The following ST18 variants were observed in gnomAD, a reference collection of about 807,000 sequenced individuals.
The protein encoded by ST18 is suppression of tumorigenicity 18 protein.
In ST18, 50 loss-of-function variants were observed where a neutral mutation model predicts 110.0. The observed-to-expected ratio is 0.45, with a 90% CI of 0.36 to 0.58. The LOEUF (loss-of-function observed/expected upper bound fraction) is 0.58, where lower values mean the gene tolerates loss of function less well. Among genes scored for constraint, ST18 ranks in the 20% least tolerant of loss-of-function variants. The pLI is 0.00. For missense variants in ST18, 1,306 were observed against 1,280.1 expected (o/e 1.02, Z -0.31); for synonymous variants, 461 against 452.4 (o/e 1.02, Z -0.24).
intron 2 of ST18, among the ~76,000 whole-genome samples, chr8:52,272,683 A>G (rs2138935533): frequency 6.6e-6 from 1 of 152,336 alleles, no homozygotes; most frequent in Admixed American, 6.5e-5. Flanking sequence ...GAAAATTAAG[A>G]ATAGAACTAC....
rs546753918 is a variant in ST18 at position 52,189,929 on chromosome 8, C to A, written c.87-9617G>T. Among the ~76,000 whole-genome samples the A allele has an allele frequency of 6.6e-5, 10 of 152,272 alleles. No individual in the cohort carries two copies. In the East Asian group the frequency reaches 1.9e-3, roughly 29 times the overall value. On this transcript the variant is annotated intron_variant, in intron 8 of 25. Transcript: ENST00000689386. ...CGGTAGGAGCTAATAAAGTGAGACC[C>A]ACAAATGAAATCCTCTAAAACTTCT...
chr8:52,138,124 A>T (rs2053262945), intron 17 of ST18, among the ~76,000 whole-genome samples: 1 of 151,642 alleles, frequency 6.6e-6, no homozygotes, highest in Admixed American at 6.6e-5. Flanking sequence ...AAAGAAAAAG[A>T]AAAATACATA....
At position 52,224,657 on chromosome 8, in the gene ST18, C is replaced by T. The variant is rs115174599; in HGVS notation, c.-418-2864G>A. On this transcript the variant is annotated intron_variant, in intron 3 of 25. Transcript: ENST00000689386. ...ATGGCAAAGTGGGTCAATGGTATCT[C>T]GCTTACTTTTAGGGAAGATGTTTCA... 4.9e-3 allele frequency among the ~76,000 whole-genome samples: 747 copies of T among 152,298 alleles called. 9 individuals are homozygous for T. Among genetic ancestry groups the T allele is most frequent in the African/African-American group, 0.015 (637 of 41,576 alleles).
At chr8:52,197,155 G>T (rs987272058) in intron 8 of ST18, among the ~76,000 whole-genome samples, 1 of 152,204 alleles carries the variant, frequency 6.6e-6, no homozygotes, top group African/African-American at 2.4e-5. Context: ...AAGTGACAGT[G>T]ATTGTAAAAT....
intron 8 of ST18, among the ~76,000 whole-genome samples, chr8:52,184,159 G>A (rs912207853): frequency 6.6e-6 from 1 of 152,138 alleles, no homozygotes; most frequent in Non-Finnish European, 1.5e-5. Context: ...TTTCCACTGG[G>A]TTGTGTTTTC....
At chr8:52,212,179 T>C (rs1447586855) in intron 7 of ST18, 70 bp from the exon 8 acceptor site, 1 of 1,477,092 alleles carries the variant, frequency 6.8e-7, no homozygotes, top group East Asian at 2.3e-5. Flanking sequence ...TAATGGAAAC[T>C]TTTCCCCCAC....
rs180756584 is a variant in ST18 at position 52,160,784 on chromosome 8, A to G, written c.1594+591T>C. Among the ~76,000 whole-genome samples the G allele has an allele frequency of 1.1e-3, 163 of 152,372 alleles. 1 individual carries two copies. The highest frequency in any genetic ancestry group is 3.8e-3 in the African/African-American group (160 of 41,596). ...TTCTATATGGATGTGTTAGCATTAAAGAATATTAATGTATTTTAAGTGTTT... is the reference window on the plus strand; with the variant it reads ...TTCTATATGGATGTGTTAGCATTAAGGAATATTAATGTATTTTAAGTGTTT... On this transcript the variant is annotated intron_variant, in intron 14 of 25. Transcript: ENST00000689386.
At chr8:52,310,948 C>A (rs977432091) in intron 2 of ST18, among the ~76,000 whole-genome samples, 1 of 152,204 alleles carries the variant, frequency 6.6e-6, no homozygotes, top group South Asian at 2.1e-4. Context: ...ATGCCACAGA[C>A]TGAGGTAGTG....
intron 2 of ST18, among the ~76,000 whole-genome samples, chr8:52,273,992 TCTC>T (rs1341118976): frequency 6.6e-6 from 1 of 152,224 alleles, no homozygotes; most frequent in Non-Finnish European, 1.5e-5. Flanking sequence ...TTGACACTAC[TCTC>T]TTAAGTGAAT....
intron 7 of ST18, among the ~76,000 whole-genome samples, chr8:52,212,910 A>G (rs981994740): frequency 6.6e-6 from 1 of 152,230 alleles, no homozygotes; most frequent in Non-Finnish European, 1.5e-5. Flanking sequence ...TGCTTTTAGA[A>G]GTCAAAATAA....
At chr8:52,126,570 A>G (rs1282885479) in intron 22 of ST18, among the ~76,000 whole-genome samples, 1 of 152,252 alleles carries the variant, frequency 6.6e-6, no homozygotes, top group African/African-American at 2.4e-5. Flanking sequence ...TCCTTCCTTT[A>G]TATAAAGTGT....
intron 8 of ST18, among the ~76,000 whole-genome samples, chr8:52,205,914 T>C (rs2079863941): frequency 6.6e-6 from 1 of 152,116 alleles, no homozygotes; most frequent in Non-Finnish European, 1.5e-5. Context: ...GAAGATGTGG[T>C]AGGGTTTGTC....
intron 2 of ST18, among the ~76,000 whole-genome samples, chr8:52,292,314 C>T (rs1352652909): frequency 1.3e-5 from 2 of 152,138 alleles, no homozygotes; most frequent in East Asian, 3.8e-4. Context: ...GCTTGGACGC[C>T]AGATGGTACC....
At chr8:52,128,161 G>C (rs534840440) in intron 22 of ST18, among the ~76,000 whole-genome samples, 1 of 152,126 alleles carries the variant, frequency 6.6e-6, no homozygotes, top group Admixed American at 6.5e-5. Context: ...TAGAGACGGG[G>C]TTTCACCATA....
chr8:52,209,393 G>T (rs773397122), intron 8 of ST18, among the ~76,000 whole-genome samples: 1 of 152,100 alleles, frequency 6.6e-6, no homozygotes, highest in Non-Finnish European at 1.5e-5. Flanking sequence ...CATAGTTTCT[G>T]CCTAATAAGG....
At chr8:52,159,192 T>A in intron 14 of ST18, 83 bp from the exon 15 acceptor site, 1 of 1,291,242 alleles carries the variant, frequency 7.7e-7, no homozygotes. Flanking sequence ...AAATGTAACT[T>A]CTTGCATTAA....
At chr8:52,175,421 AC>A (rs1380059852) in intron 9 of ST18, among the ~76,000 whole-genome samples, 2 of 152,160 alleles carry the variant, frequency 1.3e-5, no homozygotes, top group Admixed American at 6.5e-5. Context: ...TGCCATGTTC[AC>A]CAACTGCCTT....
intron 8 of ST18, among the ~76,000 whole-genome samples, chr8:52,186,358 T>C (rs1221188603): frequency 6.6e-6 from 1 of 152,166 alleles, no homozygotes; most frequent in Non-Finnish European, 1.5e-5. Flanking sequence ...TGCAAACACC[T>C]ACACTTAGGT....
In ST18 at chr8:52,166,922, G is replaced by A. The variant is rs778619435; in HGVS notation, c.1134C>T (p.His378=). The change falls in exon 11 of 26, where the codon CAC becomes CAT. Residue 378 remains histidine, a synonymous_variant. Transcript: ENST00000689386. ...GGTGGTGCGGGTAGAGCCCTGTCAC[G>A]TGTCCCGTGCCATCACATCCAGGGA... ...CPIPGCDGTG[H]VTGLYPHHRS... 2.1e-5 allele frequency: 34 copies of A among 1,612,402 alleles called. No individual in the cohort carries two copies. The highest frequency in any genetic ancestry group is 1.3e-4 in the East Asian group (6 of 44,830).
Sources: allele counts gnomAD v4.1 joint callset (sites outside exome capture counted in the v4.1 genomes callset), GRCh38; gene constraint gnomAD v4.1.1; transcripts MANE v1.5; gene names NCBI Gene and HGNC (gene_info 2026-07-23, HGNC 2026-07-21).